Variants in MGAM observed in about 807,000 individuals in gnomAD.
The protein encoded by MGAM is maltase-glucoamylase, also known as alpha-1,4-glucosidase.
Under a neutral mutation model 358.8 loss-of-function variants are expected in MGAM, and 253 were observed. That is an observed-to-expected ratio of 0.71 (90% CI 0.64 to 0.78). The LOEUF is 0.78. Ranked by LOEUF, MGAM falls within the 30% of genes least tolerant of loss-of-function variation. The pLI, the probability that MGAM is intolerant of heterozygous loss-of-function variation, is 0.00. For missense variants in MGAM, 3,080 were observed against 3,432.6 expected, an observed-to-expected ratio of 0.90 and a Z score of 2.57; for synonymous variants, 1,105 against 1,227.1, an observed-to-expected ratio of 0.90 and a Z score of 2.08.
chr7:142,048,042 C>T (rs1384679590), intron 22 of MGAM, among the ~76,000 whole-genome samples, 169 bp downstream of exon 22: 1 of 151,976 alleles, frequency 6.6e-6, no homozygotes, highest in Non-Finnish European at 1.5e-5. Flanking sequence ...TGGTAGATGA[C>T]CTACAAAGGA....
At position 142,078,945 on chromosome 7, in the gene MGAM, C is replaced by T. The variant is rs1162366209; in HGVS notation, c.5784C>T (p.Ser1928=). 6.4e-7 allele frequency: 1 copy of T among 1,556,070 alleles called. No individual in the cohort carries two copies. Among genetic ancestry groups the T allele is most frequent in the East Asian group, 2.3e-5 (1 of 43,936 alleles). The change falls in exon 49 of 71, where the codon TCC becomes TCT. Residue 1928 remains serine, a synonymous_variant. Coordinates refer to ENST00000475668, the MANE Select transcript of MGAM (RefSeq NM_001365693.1). The part of the protein sequence containing the change: ...KSSVHANAFP[S]TPVNPLRLDV... ...CTGTTCATGCCAATGCCTTCCCTTCCACACCCGTGAACCCCCTTCGCCTGG... is the reference window on the plus strand; with the variant it reads ...CTGTTCATGCCAATGCCTTCCCTTCTACACCCGTGAACCCCCTTCGCCTGG...
chr7:142,069,362 G>A (rs1418205837), intron 43 of MGAM, among the ~76,000 whole-genome samples: 1 of 145,900 alleles, frequency 6.9e-6, no homozygotes, highest in Admixed American at 6.9e-5. Context: ...GGGTCTTCCC[G>A]GGCAGCTCTG....
In MGAM at chr7:142,041,876, A is replaced by ATG. The variant is rs555771960; in HGVS notation, c.2498+1031_2498+1032insGT. ...TCTGGTCATTTTATATATATATTAT[A>ATG]TATATACGTATAATATATAATATAT... On this transcript the variant is annotated intron_variant, in intron 21 of 70. Coordinates refer to ENST00000475668, the MANE Select transcript of MGAM (RefSeq NM_001365693.1). Among the ~76,000 whole-genome samples the ATG allele has an allele frequency of 9.7e-4, 86 of 88,710 alleles. 1 individual carries two copies. The highest frequency in any genetic ancestry group is 3.5e-3 in the African/African-American group (81 of 23,170). 58.2% of individuals were successfully genotyped at this position (88,710 alleles called of 152,430 possible).
upstream of MGAM, among the ~76,000 whole-genome samples, chr7:141,991,611 A>AT (rs572410618): frequency 1.6e-4 from 24 of 151,964 alleles, no homozygotes; most frequent in Admixed American, 1.0e-3. Context: ...TAATTTTTGT[A>AT]TTTTTAGTAG....
At chr7:142,038,205 C>T (rs1428255742) in intron 18 of MGAM, among the ~76,000 whole-genome samples, 1 of 152,152 alleles carries the variant, frequency 6.6e-6, no homozygotes, top group South Asian at 2.1e-4. Flanking sequence ...CCAGTTCCAT[C>T]CGTGTTGATG....
Position 142,083,367 on chromosome 7 carries a change from T to G in MGAM, c.6335T>G (p.Val2112Gly), listed in dbSNP as rs1814490055. 4 of 1,554,296 alleles carry G rather than the reference T, an allele frequency of 2.6e-6. No individual in the cohort carries two copies. Among genetic ancestry groups the G allele is most frequent in the Middle Eastern group, 1.7e-4 (1 of 5,950 alleles). ...RTTGGVLDFYVFLGPTPELVT... is the reference protein window; with the variant it reads ...RTTGGVLDFYGFLGPTPELVT... ...ACAGGGGGAGTTCTGGACTTTTATG[T>G]GTTCTTGGGGCCAACTCCAGAGCTT... is the stretch of plus-strand genomic sequence containing the variant. The change falls in exon 53 of 71, where the codon GTG becomes GGG. Residue 2112 changes from valine to glycine, a missense_variant. Val to Gly is a moderately radical substitution (Grantham distance 109). Coordinates refer to ENST00000475668, the MANE Select transcript of MGAM (RefSeq NM_001365693.1).
chr7:142,024,192 G>A (rs994257542), intron 7 of MGAM, among the ~76,000 whole-genome samples: 22 of 152,030 alleles, frequency 1.4e-4, no homozygotes, highest in African/African-American at 5.1e-4. Flanking sequence ...TTGAGCCGCT[G>A]CACTCCAGCC....
At position 142,085,906 on chromosome 7, in the gene MGAM, T is replaced by C; in HGVS notation, c.6581T>C (p.Phe2194Ser). ...ACCCTCAGCCCCAAGTTTGCCGGGT[T>C]TCCAGCTCTGATCAATCGCATGAAG... ...DFTLSPKFAGFPALINRMKAD... is the reference protein window; with the variant it reads ...DFTLSPKFAGSPALINRMKAD... The change falls in exon 55 of 71, where the codon TTT (phenylalanine) becomes TCT (serine). Residue 2194 changes from phenylalanine to serine, a missense_variant. By Grantham distance (155) the Phe-to-Ser change is radical (BLOSUM62 -2). This residue lies in a region of MGAM where 932 missense variants were observed against 1,198.2 expected (regional missense o/e 0.78). Coordinates refer to ENST00000475668, the MANE Select transcript of MGAM (RefSeq NM_001365693.1). 1 of 1,566,378 alleles carries C rather than the reference T, an allele frequency of 6.4e-7. No individual in the cohort carries two copies. The highest frequency in any genetic ancestry group is 8.8e-7 in the Non-Finnish European group (1 of 1,141,442).
At chr7:141,997,705 AT>A (rs35788986) in intron 1 of MGAM, among the ~76,000 whole-genome samples, 3,379 of 152,114 alleles carry the variant, frequency 0.022, 58 homozygotes, top group Middle Eastern at 0.068. Context: ...GGTTAAGTGG[AT>A]TTTTCCAAGG....
At chr7:142,105,201 T>C (rs1342969726) in intron 70 of MGAM, among the ~76,000 whole-genome samples, 1 of 152,076 alleles carries the variant, frequency 6.6e-6, no homozygotes, top group Non-Finnish European at 1.5e-5. Flanking sequence ...AGAAGGATGG[T>C]GCCAAGGAAA....
At chr7:142,092,103 A>G (rs1815442066) in intron 58 of MGAM, 56 bp downstream of exon 58, 2 of 1,524,744 alleles carry the variant, frequency 1.3e-6, no homozygotes, top group Non-Finnish European at 9.0e-7. Flanking sequence ...TTGTGTGCCT[A>G]CGTGTATGTA....
chr7:141,998,502 T>C (rs1416992558), intron 1 of MGAM, among the ~76,000 whole-genome samples: 5 of 152,262 alleles, frequency 3.3e-5, no homozygotes, highest in South Asian at 2.1e-4. Flanking sequence ...TGAAAACATG[T>C]AGTGTTTGGT....
intron 53 of MGAM, among the ~76,000 whole-genome samples, chr7:142,084,109 A>G (rs1394410901): frequency 6.8e-6 from 1 of 146,280 alleles, no homozygotes; most frequent in African/African-American, 2.4e-5. Flanking sequence ...TTCAGTCTTC[A>G]CAAAAGGACT....
In MGAM at chr7:142,088,083, AG is replaced by A. The variant is rs1814920508; in HGVS notation, c.6810+1369del. On this transcript the variant is annotated intron_variant, in intron 57 of 70. Coordinates refer to ENST00000475668, the MANE Select transcript of MGAM (RefSeq NM_001365693.1). ...AGACAGAACCACACAATCTGGAGCC[AG>A]GGACTGAGGCCTGGCACAGCTCTGA... Among the ~76,000 whole-genome samples, 4 of 146,508 alleles carry A rather than the reference AG, an allele frequency of 2.7e-5. No individual in the cohort carries two copies. In the South Asian group the frequency reaches 8.7e-4, roughly 32 times the overall value.
intron 67 of MGAM, among the ~76,000 whole-genome samples, chr7:142,100,510 G>C (rs1816346188): frequency 6.6e-6 from 1 of 152,184 alleles, no homozygotes; most frequent in Non-Finnish European, 1.5e-5. Flanking sequence ...TTCAGCATCA[G>C]GATTTTCCTT....
At position 142,065,962 on chromosome 7, in the gene MGAM, T is replaced by C. The variant is rs553506598; in HGVS notation, c.4770+131T>C. 2.9e-4 allele frequency: 228 copies of C among 779,696 alleles called. 13 individuals carry two copies. In the African/African-American group the frequency reaches 4.1e-3, roughly 14 times the overall value. The allele number at this position is 779,696 out of a possible 1,614,324, so 48.3% of individuals were successfully genotyped here. On this transcript the variant is annotated intron_variant, in intron 40 of 70. Transcript: ENST00000475668. ...AAAGGTGTTTTTTTTTGTTTTGTTT[T>C]GTTTTGTTTTTTTTTTTGAAACAGG...
At position 142,042,848 on chromosome 7, in the gene MGAM, A is replaced by G. The variant is rs183943852; in HGVS notation, c.2498+2002A>G. Among the ~76,000 whole-genome samples the G allele has an allele frequency of 2.7e-3, 154 of 56,214 alleles. 8 individuals are homozygous for G. The highest frequency in any genetic ancestry group is 8.4e-3 in the African/African-American group (147 of 17,490). The allele number at this position is 56,214 out of a possible 152,430, so 36.9% of individuals were successfully genotyped here. A position where few individuals can be genotyped will look rare whatever the true frequency, so the allele number is the denominator to read the frequency against. ...TATAATATCTATATTATATATACAT[A>G]TAATATCTAAATATAATATCTACAT... On this transcript the variant is annotated intron_variant, in intron 21 of 70. Coordinates refer to ENST00000475668, the MANE Select transcript of MGAM (RefSeq NM_001365693.1).
Position 142,065,948 on chromosome 7 carries a change from TTTTTGTTTTG to T in MGAM, c.4770+132_4770+141del, listed in dbSNP as rs1308445812. On this transcript the variant is annotated intron_variant, in intron 40 of 70. Transcript: ENST00000475668. ...GGATATCTTTAAAAAAAGGTGTTTT[TTTTTGTTTTG>T]TTTTGTTTTGTTTTTTTTTTTGAAA... 6.7e-4 allele frequency: 560 copies of T among 839,820 alleles called. 26 individuals carry two copies. In the South Asian group the frequency reaches 7.0e-3, roughly 11 times the overall value. The allele number at this position is 839,820 out of a possible 1,614,324, so 52.0% of individuals were successfully genotyped here.
intron 1 of MGAM, among the ~76,000 whole-genome samples, chr7:142,001,231 T>G (rs1358747366): frequency 1.3e-5 from 2 of 152,222 alleles, no homozygotes; most frequent in East Asian, 3.9e-4. Context: ...AGGCAATCCT[T>G]GCTGTAGAGA....
Sources: gnomAD v4.1 joint callset for allele counts (sites outside exome capture counted in the v4.1 genomes callset) on GRCh38, gnomAD v4.1.1 for gene constraint, gnomAD v4.1.1 regional missense constraint, MANE v1.5 for transcripts, NCBI Gene and HGNC (gene_info 2026-07-23, HGNC 2026-07-21) for gene names.